Variants in CAMSAP1 observed in about 807,000 individuals in gnomAD.
CAMSAP1 encodes calmodulin regulated spectrin associated protein 1.
A neutral mutation model predicts 143.5 loss-of-function variants in CAMSAP1; 58 were observed. That is an observed-to-expected ratio of 0.40 (90% CI 0.33 to 0.50). CAMSAP1 has a LOEUF of 0.50. Among genes scored for constraint, CAMSAP1 ranks in the 20% least tolerant of loss-of-function variants. The pLI is 0.45. For synonymous variants in CAMSAP1, 945 were observed against 859.3 expected, an observed-to-expected ratio of 1.10 and a Z score of -1.74; for missense variants, 1,969 against 2,115.7, an observed-to-expected ratio of 0.93 and a Z score of 1.36.
chr9:135,847,998 G>A (rs954579038), intron 7 of CAMSAP1, among the ~76,000 whole-genome samples: 1 of 144,052 alleles, frequency 6.9e-6, no homozygotes, highest in African/African-American at 2.7e-5. Flanking sequence ...GGACAGGGCA[G>A]TGGAGAGGGT....
At chr9:135,814,776 C>T (rs1198213032) in intron 16 of CAMSAP1, among the ~76,000 whole-genome samples, 1 of 152,206 alleles carries the variant, frequency 6.6e-6, no homozygotes, top group Non-Finnish European at 1.5e-5. Context: ...GGGTTCCTGG[C>T]TCTCCTCTGC....
Position 135,811,450 on chromosome 9 carries a change from A to G in CAMSAP1, c.4668T>C (p.Tyr1556=), listed in dbSNP as rs1309851977. The G allele has an allele frequency of 1.1e-5, 18 of 1,612,602 alleles. No individual in the cohort carries two copies. The highest frequency in any genetic ancestry group is 1.5e-5 in the Non-Finnish European group (18 of 1,179,218). The change falls in exon 17 of 17, where the codon TAT becomes TAC. Residue 1556 remains tyrosine, a synonymous_variant. Coordinates refer to ENST00000389532, the MANE Select transcript of CAMSAP1 (RefSeq NM_015447.4). The surrounding 1 kb of genome is among the most constrained non-coding windows in gnomAD (Gnocchi z 4.9). ...NITKKMIDKL[Y]KYSSDRKQFN... The stretch of plus-strand genomic sequence containing the variant: ...ACTGTTTTCGGTCTGAGCTGTATTT[A>G]TACAGTTTGTCGATCATTTTCTTGG...
intron 5 of CAMSAP1, among the ~76,000 whole-genome samples, chr9:135,857,183 C>A (rs547873964): frequency 6.6e-6 from 1 of 152,230 alleles, no homozygotes; most frequent in Non-Finnish European, 1.5e-5. Flanking sequence ...CTACTTACCA[C>A]GCATGTCCTT....
Position 135,881,634 on chromosome 9 carries a change from T to C in CAMSAP1, c.584A>G (p.Lys195Arg). 1.9e-6 allele frequency: 3 copies of C among 1,551,634 alleles called. No individual in the cohort carries two copies. The highest frequency in any genetic ancestry group is 2.6e-6 in the Non-Finnish European group (3 of 1,146,966). Residue 195 changes from lysine (K) to arginine (R), a missense_variant and splice_region_variant, in exon 3 of 17, where the codon AAG becomes AGG. Coordinates refer to ENST00000389532, the MANE Select transcript of CAMSAP1 (RefSeq NM_015447.4). The part of the protein sequence containing the change: ...LEDAMVFWIN[K>R]VNLKMREITE... ...ACCACATCTAGGCAGGGCACTCACCTTGTTGATCCAGAACACCATGGCATC... is the reference window on the plus strand; with the variant it reads ...ACCACATCTAGGCAGGGCACTCACCCTGTTGATCCAGAACACCATGGCATC...
At chr9:135,838,538 A>G (rs1170953430) in intron 7 of CAMSAP1, among the ~76,000 whole-genome samples, 1 of 148,892 alleles carries the variant, frequency 6.7e-6, no homozygotes, top group Non-Finnish European at 1.5e-5. Context: ...CCCATTCTAC[A>G]GACACACATC....
At chr9:135,815,846 T>C (rs1835210310) in intron 15 of CAMSAP1, 44 bp downstream of exon 15, 3 of 1,503,560 alleles carry the variant, frequency 2.0e-6, no homozygotes, top group Non-Finnish European at 2.8e-6. Context: ...CAAAGGCGTA[T>C]GGCCATGCCC....
intron 5 of CAMSAP1, among the ~76,000 whole-genome samples, chr9:135,851,296 A>C (rs947345796): frequency 6.6e-6 from 1 of 152,222 alleles, no homozygotes; most frequent in Non-Finnish European, 1.5e-5. Context: ...CTAAGGAAAA[A>C]ACCATTTTCA....
chr9:135,871,093 C>A (rs558371389), intron 3 of CAMSAP1, among the ~76,000 whole-genome samples: 1 of 152,300 alleles, frequency 6.6e-6, no homozygotes, highest in East Asian at 1.9e-4. Flanking sequence ...CATATTGTGA[C>A]AGATTAAATG....
Position 135,818,647 on chromosome 9 carries a change from G to C in CAMSAP1, c.3960-31C>G. 2 of 1,602,876 alleles carry C rather than the reference G, an allele frequency of 1.2e-6. No homozygotes were observed. The highest frequency in any genetic ancestry group is 1.1e-5 in the South Asian group (1 of 90,682). ...AGAAACACACGCCCAGACACTGCTCGGTCACGGGGCTTCTTCCACGACGCC... is the reference window on the plus strand; with the variant it reads ...AGAAACACACGCCCAGACACTGCTCCGTCACGGGGCTTCTTCCACGACGCC... On this transcript the variant is annotated intron_variant, in intron 12 of 16. Coordinates refer to ENST00000389532, the MANE Select transcript of CAMSAP1 (RefSeq NM_015447.4). The surrounding 1 kb of genome is among the most constrained non-coding windows in gnomAD (Gnocchi z 7.7).
At chr9:135,901,470 T>C (rs1838615563) in intron 1 of CAMSAP1, among the ~76,000 whole-genome samples, 1 of 151,816 alleles carries the variant, frequency 6.6e-6, no homozygotes, top group African/African-American at 2.4e-5. Context: ...GACCAGGAGG[T>C]GCAGGCCTGT....
In CAMSAP1 at chr9:135,810,980, G is replaced by T; in HGVS notation, c.*329C>A. 1 of 356,894 alleles carries T rather than the reference G, an allele frequency of 2.8e-6. No homozygotes were observed. The highest frequency in any genetic ancestry group is 4.4e-5 in the Admixed American group (1 of 22,770). The allele number at this position is 356,894 out of a possible 1,614,324, so 22.1% of individuals were successfully genotyped here. On this transcript the variant is annotated 3_prime_UTR_variant, in exon 17 of 17. Transcript: ENST00000389532. The stretch of plus-strand genomic sequence containing the variant: ...TGCTGAAGGAGAACTTCAAGTAAGG[G>T]AGCTCCGTGGCCCGGGACCTGGCTG...
intron 5 of CAMSAP1, among the ~76,000 whole-genome samples, chr9:135,854,473 CTT>C (rs111395128): frequency 6.8e-6 from 1 of 147,602 alleles, no homozygotes; most frequent in Non-Finnish European, 1.5e-5. Context: ...TTTGCCAAAA[CTT>C]TTTTTTTTTT....
rs530137478 is a variant in CAMSAP1, at chr9:135,902,094, C to T, written c.160+4906G>A. Among the ~76,000 whole-genome samples the T allele has an allele frequency of 2.0e-5, 3 of 152,284 alleles. No homozygotes were observed. In the East Asian group the frequency reaches 5.8e-4, roughly 29 times the overall value. ...ACATAACTAGGCAGCAGGTGGTTCT[C>T]AGGACACCTCTGCAGAGGAAAGGTC... On this transcript the variant is annotated intron_variant, in intron 1 of 16. Transcript: ENST00000389532.
chr9:135,839,142 A>G (rs1836245519), intron 7 of CAMSAP1, among the ~76,000 whole-genome samples: 1 of 152,190 alleles, frequency 6.6e-6, no homozygotes, highest in Non-Finnish European at 1.5e-5. Flanking sequence ...CTCCTGTATG[A>G]GCCTATCTGT....
chr9:135,903,288 T>C (rs1193776444), intron 1 of CAMSAP1, among the ~76,000 whole-genome samples: 2 of 152,264 alleles, frequency 1.3e-5, no homozygotes, highest in South Asian at 2.1e-4. Context: ...CACCTTCTTA[T>C]AGACATTTTT....
chr9:135,824,944 T>A lies in CAMSAP1; in HGVS notation c.1224-64A>T. On this transcript the variant is annotated intron_variant, in intron 8 of 16. Transcript: ENST00000389532. This position sits in a 1 kb window ranked among gnomAD's most constrained non-coding sequence, Gnocchi z 4.1. ...ATCAAACTTCAAGGTCAACAGCAAA[T>A]GCACAAGTGTACAGGACCATCCTGA... 7.8e-7 allele frequency: 1 copy of A among 1,287,726 alleles called. No homozygotes were observed. Among genetic ancestry groups the A allele is most frequent in the Non-Finnish European group, 1.1e-6 (1 of 915,772 alleles). 79.8% of individuals were successfully genotyped at this position (1,287,726 alleles called of 1,614,324 possible).
Position 135,811,366 on chromosome 9 carries a change from G to C in CAMSAP1, c.4752C>G (p.Asn1584Lys), listed in dbSNP as rs748120755. 1.2e-6 allele frequency: 2 copies of C among 1,613,146 alleles called. No homozygotes were observed. Among genetic ancestry groups the C allele is most frequent in the South Asian group, 2.2e-5 (2 of 90,778 alleles). The part of the protein sequence containing the change: ...SVSVDALTIH[N>K]HLWQPKRPAV... ...CAGGCCGCTTGGGCTGCCACAGGTG[G>C]TTGTGGATTGTGAGTGCGTCCACAC... The change falls in exon 17 of 17, where the codon AAC becomes AAG. Residue 1584 changes from asparagine (N) to lysine (K), a missense_variant. By Grantham distance (94) the Asn-to-Lys change is moderately conservative. This residue lies in a region of CAMSAP1 where 143 missense variants were observed against 200.6 expected (regional missense o/e 0.71). Coordinates refer to ENST00000389532, the MANE Select transcript of CAMSAP1 (RefSeq NM_015447.4). The surrounding 1 kb of genome is among the most constrained non-coding windows in gnomAD (Gnocchi z 4.9).
chr9:135,862,486 T>G lies in CAMSAP1; in HGVS notation c.789A>C (p.Pro263=). 1.3e-6 allele frequency: 2 copies of G among 1,551,686 alleles called. No individual in the cohort carries two copies. Among genetic ancestry groups the G allele is most frequent in the Non-Finnish European group, 1.7e-6 (2 of 1,147,000 alleles). ...ACTCACCATCCAGTTTCATCTGCTCTGGGCAATAATAGTGAATCACAGCTA... is the reference window on the plus strand; with the variant it reads ...ACTCACCATCCAGTTTCATCTGCTCGGGGCAATAATAGTGAATCACAGCTA... ...ALLAVIHYYC[P]EQMKLDDICL... Residue 263 remains proline, a synonymous_variant, in exon 5 of 17, where the codon CCA becomes CCC. Coordinates refer to ENST00000389532, the MANE Select transcript of CAMSAP1 (RefSeq NM_015447.4).
chr9:135,892,546 A>AT (rs1428123779), intron 1 of CAMSAP1, among the ~76,000 whole-genome samples: 1 of 151,494 alleles, frequency 6.6e-6, no homozygotes, highest in Non-Finnish European at 1.5e-5. Context: ...CTATAAACAA[A>AT]TTTTTTCAGA....
Sources: gnomAD v4.1 joint callset for allele counts (sites outside exome capture counted in the v4.1 genomes callset) on GRCh38, gnomAD v4.1.1 for gene constraint, gnomAD v4.1.1 regional missense constraint, Gnocchi (gnomAD v3.1) non-coding constraint, MANE v1.5 for transcripts, NCBI Gene and HGNC (gene_info 2026-07-23, HGNC 2026-07-21) for gene names.